Variants in ME3 observed in about 807,000 individuals in gnomAD.
The protein encoded by ME3 is malic enzyme 3.
ME3 carries 48 observed loss-of-function variants against 68.9 expected under a neutral mutation model. That is an observed-to-expected ratio of 0.70 (90% CI 0.55 to 0.89). ME3 has a LOEUF of 0.89. ME3 is among the 40% of genes least tolerant of loss of function. ME3 has a pLI of 0.00. For missense variants in ME3, 675 were observed against 797.4 expected (o/e 0.85, Z 1.85); for synonymous variants, 320 against 318.8 (o/e 1.00, Z -0.04).
intron 11 of ME3, among the ~76,000 whole-genome samples, 163 bp downstream of exon 11, chr11:86,447,987 C>T (rs971423282): frequency 6.6e-6 from 1 of 151,884 alleles, no homozygotes; most frequent in African/African-American, 2.4e-5. Context: ...GGTTTCTATA[C>T]AATAGTCACT....
rs374280997 is a variant in ME3 at position 86,517,901 on chromosome 11, CTTTAT to C, written c.468-9039_468-9035del. Among the ~76,000 whole-genome samples, 1,028 of 152,162 alleles carry C rather than the reference CTTTAT, an allele frequency of 6.8e-3. 10 individuals carry two copies. The highest frequency in any genetic ancestry group is 0.024 in the African/African-American group (989 of 41,502). Reference sequence around the variant, plus strand: ...GTGCTGGAAGGAGGCAGAGCTGGGCCTTTATTTTGACAGTTGTAAACTAGGCATAT... The same window carrying C: ...GTGCTGGAAGGAGGCAGAGCTGGGCCTTTGACAGTTGTAAACTAGGCATAT... On this transcript the variant is annotated intron_variant, in intron 4 of 14. Coordinates refer to ENST00000543262, the Ensembl canonical transcript of ME3.
chr11:86,579,024 T>G (rs1243410343), intron 2 of ME3, among the ~76,000 whole-genome samples: 1 of 152,184 alleles, frequency 6.6e-6, no homozygotes, highest in East Asian at 1.9e-4. Flanking sequence ...TTCACCTTGT[T>G]GGCTCATTAA....
chr11:86,659,829 G>T (rs1218305140), intron 2 of ME3, among the ~76,000 whole-genome samples: 1 of 152,186 alleles, frequency 6.6e-6, no homozygotes, highest in Admixed American at 6.5e-5. Context: ...AGGCAGGAAG[G>T]TAGATAGAGA....
intron 2 of ME3, among the ~76,000 whole-genome samples, chr11:86,642,773 C>T (rs1944749271): frequency 6.6e-6 from 1 of 152,082 alleles, no homozygotes; most frequent in Non-Finnish European, 1.5e-5. Context: ...TCAAAGTACA[C>T]CTTCATGAAT....
chr11:86,551,507 A>G (rs1047786416), intron 4 of ME3, among the ~76,000 whole-genome samples: 2 of 152,188 alleles, frequency 1.3e-5, no homozygotes, highest in Non-Finnish European at 1.5e-5. Context: ...ACCAGGGCCA[A>G]CCAGAAGCTG....
intron 4 of ME3, among the ~76,000 whole-genome samples, chr11:86,533,813 G>A (rs608180): frequency 0.33 from 50,593 of 151,544 alleles, 8,707 homozygotes; most frequent in African/African-American, 0.44. Context: ...TGTGAACACT[G>A]TAAAGTGCAC....
chr11:86,532,218 A>G (rs1955302233), intron 4 of ME3, among the ~76,000 whole-genome samples: 1 of 152,204 alleles, frequency 6.6e-6, no homozygotes, highest in Admixed American at 6.5e-5. Flanking sequence ...GAGAACTTAA[A>G]TATATAAAGC....
intron 4 of ME3, among the ~76,000 whole-genome samples, chr11:86,548,971 G>T (rs34405620): frequency 0.17 from 26,402 of 152,122 alleles, 2,561 homozygotes; most frequent in African/African-American, 0.26. Flanking sequence ...GTGGTCCCTG[G>T]CCAGAAGCAT....
intron 2 of ME3, among the ~76,000 whole-genome samples, chr11:86,599,360 GATGAAATGA>G (rs1435070821): frequency 6.6e-6 from 1 of 152,220 alleles, no homozygotes; most frequent in East Asian, 1.9e-4. Flanking sequence ...AGTGATGGAA[GATGAAATGA>G]ATGAAATGAA....
At chr11:86,660,990 A>G (rs944059670) in intron 2 of ME3, among the ~76,000 whole-genome samples, 1 of 152,190 alleles carries the variant, frequency 6.6e-6, no homozygotes, top group Non-Finnish European at 1.5e-5. Flanking sequence ...GGGCTGATGT[A>G]TCATCAGTCT....
At chr11:86,577,640 T>C (rs1167785799) in intron 2 of ME3, among the ~76,000 whole-genome samples, 2 of 152,214 alleles carry the variant, frequency 1.3e-5, no homozygotes, top group Admixed American at 6.5e-5. Context: ...ATCATAACTT[T>C]TTAAAAAATG....
At chr11:86,493,173 C>T (rs1952103243) in intron 6 of ME3, among the ~76,000 whole-genome samples, 2 of 152,198 alleles carry the variant, frequency 1.3e-5, no homozygotes, top group Non-Finnish European at 2.9e-5. Context: ...TGGTTGTCAA[C>T]TCCATGCTTC....
chr11:86,610,824 G>A (rs948635230), intron 2 of ME3, among the ~76,000 whole-genome samples: 7 of 152,212 alleles, frequency 4.6e-5, no homozygotes, highest in African/African-American at 1.7e-4. Flanking sequence ...TCAAGACCCA[G>A]TCAGTGACTG....
Position 86,569,190 on chromosome 11 carries a change from G to A in ME3, c.184-9367C>T, listed in dbSNP as rs531155880. On this transcript the variant is annotated intron_variant, in intron 2 of 14. Transcript: ENST00000543262. ...ATGCTGGAGAGGAGCCTTGAAGGACGGTCCAGAGCTAGTCTGGCAGAAGGG... is the reference window on the plus strand; with the variant it reads ...ATGCTGGAGAGGAGCCTTGAAGGACAGTCCAGAGCTAGTCTGGCAGAAGGG... Among the ~76,000 whole-genome samples, 9 of 152,320 alleles carry A rather than the reference G, an allele frequency of 5.9e-5. No individual in the cohort carries two copies. The South Asian group carries it at 8.3e-4, about 14-fold the overall frequency.
chr11:86,508,302 C>T (rs183485100), intron 5 of ME3, among the ~76,000 whole-genome samples: 1 of 152,326 alleles, frequency 6.6e-6, no homozygotes, highest in East Asian at 1.9e-4. Flanking sequence ...ACTGTCACTT[C>T]CCCCAGGAAG....
chr11:86,586,972 G>C (rs915743308), intron 2 of ME3, among the ~76,000 whole-genome samples: 1 of 152,190 alleles, frequency 6.6e-6, no homozygotes, highest in Non-Finnish European at 1.5e-5. Flanking sequence ...GGTGGAGAAT[G>C]GAAGTGGCAA....
chr11:86,467,993 A>G (rs1165198684), intron 7 of ME3, among the ~76,000 whole-genome samples: 4 of 152,136 alleles, frequency 2.6e-5, no homozygotes, highest in Admixed American at 1.3e-4. Context: ...AAGGAACCCC[A>G]GAACTCCTCT....
intron 13 of ME3, among the ~76,000 whole-genome samples, chr11:86,445,366 G>A (rs979158588): frequency 6.6e-6 from 1 of 152,234 alleles, no homozygotes; most frequent in South Asian, 2.1e-4. Context: ...TGGTGCATGA[G>A]GTAGCTCCCT....
chr11:86,595,159 G>A (rs1416895989), intron 2 of ME3, among the ~76,000 whole-genome samples: 1 of 144,860 alleles, frequency 6.9e-6, no homozygotes, highest in Non-Finnish European at 1.5e-5. Context: ...CATATGTATG[G>A]AAATATAAAA....
Sources: allele counts gnomAD v4.1 joint callset (sites outside exome capture counted in the v4.1 genomes callset), GRCh38; gene constraint gnomAD v4.1.1; transcripts MANE v1.5; gene names NCBI Gene and HGNC (gene_info 2026-07-23, HGNC 2026-07-21).